VIM: variants seen among roughly 807,000 people sequenced by gnomAD.
VIM encodes the protein vimentin.
Under a neutral mutation model 50.3 loss-of-function variants are expected in VIM, and 18 were observed. That is an observed-to-expected ratio of 0.36 (90% CI 0.25 to 0.53). The LOEUF (loss-of-function observed/expected upper bound fraction) is 0.53. Ranked by LOEUF, VIM falls within the 20% of genes least tolerant of loss-of-function variation. The probability of loss-of-function intolerance (pLI) is 0.91; values close to 1 mark genes in which losing one functional copy is unlikely to be tolerated. For missense variants in VIM, 551 were observed against 614.7 expected (o/e 0.90, Z 1.10); for synonymous variants, 245 against 248.5 (o/e 0.99, Z 0.13).
At position 17,229,090 on chromosome 10, in the gene VIM, A is replaced by G. The variant is rs1846730577; in HGVS notation, c.-147-186A>G. ...AAAGTCCCAGCCCAGCGCTGAAGTA[A>G]CGGGACCATGCCCAGTCCCAGGCCC... On this transcript the variant is annotated intron_variant, in intron 1 of 9. Transcript: ENST00000544301. 3 of 465,100 alleles carry G rather than the reference A, an allele frequency of 6.5e-6. No homozygotes were observed. The South Asian group carries it at 7.2e-5, about 11-fold the overall frequency. 28.8% of individuals were successfully genotyped at this position (465,100 alleles called of 1,614,324 possible).
chr10:17,231,960 C>G (rs780933972), intron 3 of VIM, among the ~76,000 whole-genome samples: 5 of 152,082 alleles, frequency 3.3e-5, no homozygotes, highest in Non-Finnish European at 7.4e-5. Flanking sequence ...ATACATTTAC[C>G]AAATTAATTT....
chr10:17,231,563 G>C (rs1015051116), intron 3 of VIM, among the ~76,000 whole-genome samples: 2 of 152,224 alleles, frequency 1.3e-5, no homozygotes, highest in African/African-American at 4.8e-5. Flanking sequence ...TTGGACACAA[G>C]TATTTGCTAA....
At position 17,234,100 on chromosome 10, in the gene VIM, C is replaced by CTTTA. The variant is rs368614774; in HGVS notation, c.882+185_882+188dup. 1.7e-3 allele frequency: 1,247 copies of CTTTA among 715,304 alleles called. 3 individuals carry two copies. The highest frequency in any genetic ancestry group is 0.011 in the African/African-American group (628 of 55,682). 44.3% of individuals were successfully genotyped at this position (715,304 alleles called of 1,614,324 possible). A position where few individuals can be genotyped will look rare whatever the true frequency, so the allele number is the denominator to read the frequency against. On this transcript the variant is annotated intron_variant, in intron 5 of 9. Transcript: ENST00000544301. Reference sequence around the variant, plus strand: ...GCCTCCCCACCACTCACATCACCTCCTTTATTTATTTATTTATTTTCTTAT... The same window carrying CTTTA: ...GCCTCCCCACCACTCACATCACCTCCTTTATTTATTTATTTATTTATTTTCTTAT...
chr10:17,230,734 G>C lies in VIM; in HGVS notation c.624+24G>C, dbSNP rs200846656. 4.1e-5 allele frequency: 66 copies of C among 1,613,802 alleles called. 1 individual carries two copies. In the East Asian group the frequency reaches 1.4e-3, roughly 34 times the overall value. On this transcript the variant is annotated intron_variant, in intron 3 of 9. Transcript: ENST00000544301. Reference sequence around the variant, plus strand: ...AGGTTTGTAGACTCTCTTCCCACTCGCAGCCGCCTGACCCCACCCAACACA... The same window carrying C: ...AGGTTTGTAGACTCTCTTCCCACTCCCAGCCGCCTGACCCCACCCAACACA...
Position 17,229,526 on chromosome 10 carries a change from C to T in VIM, c.104C>T (p.Thr35Ile). 2 of 1,608,434 alleles carry T rather than the reference C, an allele frequency of 1.2e-6. No individual in the cohort carries two copies. The highest frequency in any genetic ancestry group is 1.9e-4 in the Middle Eastern group (1 of 5,390). ...AGCCGGAGCTACGTGACTACGTCCACCCGCACCTACAGCCTGGGCAGCGCG... is the reference window on the plus strand; with the variant it reads ...AGCCGGAGCTACGTGACTACGTCCATCCGCACCTACAGCCTGGGCAGCGCG... ...SSSRSYVTTSTRTYSLGSALR... is the reference protein window; with the variant it reads ...SSSRSYVTTSIRTYSLGSALR... Residue 35 changes from threonine (T) to isoleucine (I), a missense_variant, in exon 2 of 10, where the codon ACC becomes ATC. Around this residue, in one of 3 missense-constraint regions of VIM, gnomAD observed 134 missense variants for 126.4 expected, o/e 1.06. Coordinates refer to ENST00000544301, the MANE Select transcript of VIM (RefSeq NM_003380.5).
chr10:17,236,051 A>G lies in VIM; in HGVS notation c.1273+162A>G, dbSNP rs1564375077. 2.0e-5 allele frequency: 16 copies of G among 792,862 alleles called. 1 individual carries two copies. The highest frequency in any genetic ancestry group is 2.5e-4 in the Middle Eastern group (1 of 3,954). The allele number at this position is 792,862 out of a possible 1,614,324, so 49.1% of individuals were successfully genotyped here. A position where few individuals can be genotyped will look rare whatever the true frequency, so the allele number is the denominator to read the frequency against. ...GAACCCAAGTACACTCTTGCATTCTATGCTTTAAGTTAAATGCAAACTCCT... is the reference window on the plus strand; with the variant it reads ...GAACCCAAGTACACTCTTGCATTCTGTGCTTTAAGTTAAATGCAAACTCCT... On this transcript the variant is annotated intron_variant, in intron 8 of 9. Transcript: ENST00000544301.
At chr10:17,230,056 C>T (rs144117448) in intron 2 of VIM, 71 bp downstream of exon 2, 70 of 1,499,880 alleles carry the variant, frequency 4.7e-5, no homozygotes, top group Middle Eastern at 2.0e-4. Context: ...GCCCCCCCGG[C>T]CCCCGCGAGA....
rs771076339 is a variant in VIM at position 17,229,557 on chromosome 10, C to T, written c.135C>T (p.Arg45=). ...CCTACAGCCTGGGCAGCGCGCTGCGCCCCAGCACCAGCCGCAGCCTCTACG... is the reference window on the plus strand; with the variant it reads ...CCTACAGCCTGGGCAGCGCGCTGCGTCCCAGCACCAGCCGCAGCCTCTACG... The part of the protein sequence containing the change: ...TRTYSLGSAL[R]PSTSRSLYAS... The change falls in exon 2 of 10, where the codon CGC becomes CGT. Residue 45 remains arginine, a synonymous_variant. Transcript: ENST00000544301. 2 of 1,608,250 alleles carry T rather than the reference C, an allele frequency of 1.2e-6. No homozygotes were observed. The highest frequency in any genetic ancestry group is 1.7e-6 in the Non-Finnish European group (2 of 1,178,684).
Position 17,236,340 on chromosome 10 carries a change from G to C in VIM, c.1320G>C (p.Arg440Ser). 2 of 1,613,898 alleles carry C rather than the reference G, an allele frequency of 1.2e-6. No individual in the cohort carries two copies. The highest frequency in any genetic ancestry group is 1.7e-6 in the Non-Finnish European group (2 of 1,179,874). ...SLPLVDTHSK[R>S]TLLIKTVETR... ...CTCTGGTTGATACCCACTCAAAAAGGACACTTCTGATTAAGACGGTTGAAA... is the reference window on the plus strand; with the variant it reads ...CTCTGGTTGATACCCACTCAAAAAGCACACTTCTGATTAAGACGGTTGAAA... The change falls in exon 9 of 10, where the codon AGG (arginine) becomes AGC (serine). Residue 440 changes from arginine to serine, a missense_variant. Physicochemically the swap from Arg to Ser is moderately radical, Grantham distance 110 (BLOSUM62 -1). Transcript: ENST00000544301.
chr10:17,235,740 A>C (rs1197588911), intron 7 of VIM, 106 bp from the exon 8 acceptor site: 2 of 1,077,758 alleles, frequency 1.9e-6, no homozygotes. Context: ...TATGATTTAA[A>C]ACAGTACGTT....
At chr10:17,234,970 C>T in intron 6 of VIM, 152 bp downstream of exon 6, 1 of 1,296,826 alleles carries the variant, frequency 7.7e-7, no homozygotes, top group Non-Finnish European at 1.1e-6. Context: ...AAAGGGACTT[C>T]ATGGAACTCT....
At chr10:17,230,095 G>A in intron 2 of VIM, 110 bp downstream of exon 2, 2 of 1,338,114 alleles carry the variant, frequency 1.5e-6, no homozygotes, top group South Asian at 1.5e-5. Context: ...ATGTGGCCGG[G>A]GGGAGGCCTG....
At position 17,229,144 on chromosome 10, in the gene VIM, A is replaced by ACTC; in HGVS notation, c.-147-131_-147-130insTCC. 2.3e-5 allele frequency: 4 copies of ACTC among 176,160 alleles called. 2 individuals carry two copies. Among genetic ancestry groups the ACTC allele is most frequent in the Non-Finnish European group, 2.3e-5 (2 of 88,764 alleles). The allele number at this position is 176,160 out of a possible 1,614,324, so 10.9% of individuals were successfully genotyped here. On this transcript the variant is annotated intron_variant, in intron 1 of 9. Coordinates refer to ENST00000544301, the MANE Select transcript of VIM (RefSeq NM_003380.5). Reference sequence around the variant, plus strand: ...AGCAGGAAGGCTCGAGGGCGCCCCCACCCCACCCGCCCACCCTCCCCGCTT... The same window carrying ACTC: ...AGCAGGAAGGCTCGAGGGCGCCCCCACTCCCCCACCCGCCCACCCTCCCCGCTT...
chr10:17,235,463 A>G, intron 7 of VIM, 74 bp downstream of exon 7: 2 of 1,505,050 alleles, frequency 1.3e-6, no homozygotes, highest in Non-Finnish European at 1.8e-6. Context: ...GGCTCTAAGC[A>G]GTGTCACATT....
At position 17,236,338 on chromosome 10, in the gene VIM, A is replaced by C; in HGVS notation, c.1318A>C (p.Arg440=). Residue 440 remains arginine (R), a synonymous_variant, in exon 9 of 10, where the codon AGG becomes CGG. Transcript: ENST00000544301. ...SLPLVDTHSK[R]TLLIKTVETR... ...CCCTCTGGTTGATACCCACTCAAAA[A>C]GGACACTTCTGATTAAGACGGTTGA... is the stretch of plus-strand genomic sequence containing the variant. 1.2e-6 allele frequency: 2 copies of C among 1,613,986 alleles called. No individual in the cohort carries two copies. The highest frequency in any genetic ancestry group is 2.2e-5 in the South Asian group (2 of 91,076).
chr10:17,234,477 A>G (rs1846851985), intron 5 of VIM, among the ~76,000 whole-genome samples: 1 of 152,146 alleles, frequency 6.6e-6, no homozygotes, highest in Non-Finnish European at 1.5e-5. Context: ...GTAAACCCCA[A>G]TGCCATACCT....
At position 17,229,458 on chromosome 10, in the gene VIM, C is replaced by A. The variant is rs1484172325; in HGVS notation, c.36C>A (p.Arg12=). The change falls in exon 2 of 10, where the codon CGC becomes CGA. Residue 12 remains arginine, a synonymous_variant. Coordinates refer to ENST00000544301, the MANE Select transcript of VIM (RefSeq NM_003380.5). Reference sequence around the variant, plus strand: ...GGTCCGTGTCCTCGTCCTCCTACCGCAGGATGTTCGGCGGCCCGGGCACCG... The same window carrying A: ...GGTCCGTGTCCTCGTCCTCCTACCGAAGGATGTTCGGCGGCCCGGGCACCG... ...STRSVSSSSY[R]RMFGGPGTAS... The A allele has an allele frequency of 6.2e-7, 1 of 1,607,242 alleles. No homozygotes were observed. The highest frequency in any genetic ancestry group is 8.5e-7 in the Non-Finnish European group (1 of 1,179,228).
chr10:17,229,303 C>T lies in VIM; in HGVS notation c.-120C>T. Reference sequence around the variant, plus strand: ...CTCTGCCACTCTCGCTCCGAGGTCCCCGCGCCAGAGACGCAGCCGCGCTCC... The same window carrying T: ...CTCTGCCACTCTCGCTCCGAGGTCCTCGCGCCAGAGACGCAGCCGCGCTCC... On this transcript the variant is annotated 5_prime_UTR_variant, in exon 2 of 10. Coordinates refer to ENST00000544301, the MANE Select transcript of VIM (RefSeq NM_003380.5). The T allele has an allele frequency of 9.2e-7, 1 of 1,088,504 alleles. No individual in the cohort carries two copies. The highest frequency in any genetic ancestry group is 1.4e-5 in the South Asian group (1 of 69,390). The allele number at this position is 1,088,504 out of a possible 1,614,324, so 67.4% of individuals were successfully genotyped here. A position where few individuals can be genotyped will look rare whatever the true frequency, so the allele number is the denominator to read the frequency against.
chr10:17,230,621 C>T (rs759813480), intron 2 of VIM, 29 bp from the exon 3 acceptor site: 396 of 1,613,508 alleles, frequency 2.5e-4, no homozygotes, highest in Non-Finnish European at 3.2e-4. Context: ...TTTCCTCGTT[C>T]CCCTTTGGTT....
Sources: allele counts gnomAD v4.1 joint callset (sites outside exome capture counted in the v4.1 genomes callset), GRCh38; gene constraint gnomAD v4.1.1; regional missense constraint gnomAD v4.1.1; transcripts MANE v1.5; gene names NCBI Gene and HGNC (gene_info 2026-07-23, HGNC 2026-07-21).